TSG101: variants seen among roughly 807,000 people sequenced by gnomAD.
TSG101 encodes the protein tumor susceptibility 101.
TSG101 carries 19 observed loss-of-function variants against 48.5 expected under a neutral mutation model. That is an observed-to-expected ratio of 0.39 (90% confidence interval 0.27 to 0.58). The LOEUF (loss-of-function observed/expected upper bound fraction) is 0.58. Among genes scored for constraint, TSG101 ranks in the 20% least tolerant of loss-of-function variants. TSG101 has a pLI of 0.55. For synonymous variants in TSG101, 174 were observed against 169.4 expected, an observed-to-expected ratio of 1.03 and a Z score of -0.21; for missense variants, 365 against 484.4, an observed-to-expected ratio of 0.75 and a Z score of 2.31.
At position 18,526,936 on chromosome 11, in the gene TSG101, C is replaced by T; in HGVS notation, c.-120G>A. 9.7e-7 allele frequency: 1 copy of T among 1,035,160 alleles called. No individual in the cohort carries two copies. Among genetic ancestry groups the T allele is most frequent in the Non-Finnish European group, 1.4e-6 (1 of 711,552 alleles). The allele number at this position is 1,035,160 out of a possible 1,614,324, so 64.1% of individuals were successfully genotyped here. A position where few individuals can be genotyped will look rare whatever the true frequency, so the allele number is the denominator to read the frequency against. On this transcript the variant is annotated 5_prime_UTR_variant, in exon 1 of 10. The change creates a new upstream start codon in the 5' untranslated region. Coordinates refer to ENST00000251968, the MANE Select transcript of TSG101 (RefSeq NM_006292.4). ...GGCCTCAAACAACAGGAAGTCGGCA[C>T]CACTACACCACTTCCGCTTCCACTA... is the stretch of plus-strand genomic sequence containing the variant.
At chr11:18,508,064 G>A (rs961226528) in intron 5 of TSG101, among the ~76,000 whole-genome samples, 21 of 150,626 alleles carry the variant, frequency 1.4e-4, no homozygotes, top group African/African-American at 4.4e-4. Context: ...ACTGCACTCC[G>A]GCCTGGGCAA....
chr11:18,490,683 T>C (rs1159068677), intron 7 of TSG101: 6 of 445,380 alleles, frequency 1.3e-5, no homozygotes, highest in East Asian at 5.2e-5. Context: ...TCATTGCAGA[T>C]GTCCTGCAGT....
intron 8 of TSG101, among the ~76,000 whole-genome samples, chr11:18,483,370 C>T (rs982740177): frequency 6.6e-6 from 1 of 152,044 alleles, no homozygotes; most frequent in African/African-American, 2.4e-5. Flanking sequence ...GTGGCAGGCA[C>T]CTGTAATCCC....
At chr11:18,513,207 C>T (rs778782562) in intron 4 of TSG101, among the ~76,000 whole-genome samples, 4 of 151,986 alleles carry the variant, frequency 2.6e-5, no homozygotes, top group South Asian at 2.1e-4. Context: ...TTTTCAGAGG[C>T]GTTCTGCTTA....
intron 7 of TSG101, among the ~76,000 whole-genome samples, chr11:18,492,342 C>G (rs1306568970): frequency 6.6e-6 from 1 of 152,114 alleles, no homozygotes; most frequent in Non-Finnish European, 1.5e-5. Context: ...GTTATCAGAA[C>G]TAATGAAAAC....
chr11:18,505,226 TG>T (rs1290967634), intron 6 of TSG101, among the ~76,000 whole-genome samples: 3 of 152,036 alleles, frequency 2.0e-5, no homozygotes, highest in Non-Finnish European at 4.4e-5. Context: ...TTAGAGCAGC[TG>T]GAAGTCTCAT....
intron 7 of TSG101, among the ~76,000 whole-genome samples, chr11:18,492,829 A>C (rs1849718838): frequency 1.3e-5 from 2 of 152,238 alleles, no homozygotes; most frequent in Admixed American, 6.5e-5. Flanking sequence ...AAAAACCCAG[A>C]GTTTTTCAAA....
At chr11:18,506,612 C>A (rs1282945968) in intron 6 of TSG101, among the ~76,000 whole-genome samples, 1 of 151,896 alleles carries the variant, frequency 6.6e-6, no homozygotes, top group East Asian at 1.9e-4. Context: ...ATCACTTGAA[C>A]TGGGGAAGTA....
chr11:18,508,221 C>CTTT (rs528297285), intron 5 of TSG101, among the ~76,000 whole-genome samples: 7 of 135,882 alleles, frequency 5.2e-5, no homozygotes, highest in South Asian at 2.4e-4. Flanking sequence ...TATTTGATAT[C>CTTT]TTTTTTTTTT....
chr11:18,505,737 A>G (rs145953069), intron 6 of TSG101, among the ~76,000 whole-genome samples: 141 of 152,334 alleles, frequency 9.3e-4, no homozygotes, highest in African/African-American at 3.2e-3. Flanking sequence ...TATGAACTGA[A>G]TAAGTAAATA....
chr11:18,526,024 A>G (rs557749852), intron 1 of TSG101, among the ~76,000 whole-genome samples: 1 of 152,324 alleles, frequency 6.6e-6, no homozygotes, highest in South Asian at 2.1e-4. Context: ...GAAAATTACA[A>G]CAAAACATAA....
chr11:18,524,911 CTTT>C (rs35642875), intron 1 of TSG101, among the ~76,000 whole-genome samples: 6 of 137,096 alleles, frequency 4.4e-5, no homozygotes, highest in African/African-American at 5.4e-5. Context: ...AGGAATAAAT[CTTT>C]TTTTTTTTTT....
chr11:18,514,994 G>T, intron 3 of TSG101, 153 bp from the exon 4 acceptor site: 2 of 663,226 alleles, frequency 3.0e-6, no homozygotes, highest in Non-Finnish European at 2.3e-6. Flanking sequence ...ATTTCCTGAG[G>T]GCAATAGCAA....
At chr11:18,489,385 C>T (rs574743460) in intron 7 of TSG101, among the ~76,000 whole-genome samples, 13 of 152,280 alleles carry the variant, frequency 8.5e-5, no homozygotes, top group Admixed American at 5.2e-4. Context: ...TATGCCTACA[C>T]CACCATGCCT....
intron 2 of TSG101, among the ~76,000 whole-genome samples, chr11:18,517,039 C>T (rs1238870847): frequency 2.6e-5 from 4 of 152,130 alleles, no homozygotes; most frequent in East Asian, 1.9e-4. Context: ...TATCCCTAGT[C>T]GCTCACAGTT....
chr11:18,503,965 A>G (rs1170927888), intron 6 of TSG101, among the ~76,000 whole-genome samples: 1 of 152,100 alleles, frequency 6.6e-6, no homozygotes, highest in Admixed American at 6.6e-5. Flanking sequence ...GCACTTTGGG[A>G]GGCTGAGGCA....
At chr11:18,499,786 A>T (rs1849860243) in intron 7 of TSG101, among the ~76,000 whole-genome samples, 1 of 152,024 alleles carries the variant, frequency 6.6e-6, no homozygotes, top group Non-Finnish European at 1.5e-5. Flanking sequence ...ACCTGCACGG[A>T]ATGTAATGTT....
At chr11:18,496,473 A>AAAATAAAATAAAATAAAATAAAAT (rs2133912732) in intron 7 of TSG101, among the ~76,000 whole-genome samples, 5 of 147,348 alleles carry the variant, frequency 3.4e-5, no homozygotes, top group South Asian at 4.4e-4. Context: ...AAAATAAAAT[A>AAAATAAAATAAAATAAAATAAAAT]AAATAAAATA....
chr11:18,480,537 T>C lies in TSG101; in HGVS notation c.*9A>G. On this transcript the variant is annotated 3_prime_UTR_variant, in exon 10 of 10. Coordinates refer to ENST00000251968, the MANE Select transcript of TSG101 (RefSeq NM_006292.4). ...AGAAGAGCTCAACCTCCAGCTGGTA[T>C]CAGAGAAGTCAGTAGAGGTCACTGA... is the stretch of plus-strand genomic sequence containing the variant. The C allele has an allele frequency of 6.2e-7, 1 of 1,610,788 alleles. No individual in the cohort carries two copies. The highest frequency in any genetic ancestry group is 8.5e-7 in the Non-Finnish European group (1 of 1,177,588).
Sources: allele counts gnomAD v4.1 joint callset (sites outside exome capture counted in the v4.1 genomes callset), GRCh38; gene constraint gnomAD v4.1.1; transcripts MANE v1.5; gene names NCBI Gene and HGNC (gene_info 2026-07-23, HGNC 2026-07-21).